Variants in CNTNAP2 observed in about 807,000 individuals in gnomAD.
The protein encoded by CNTNAP2 is contactin-associated protein-like 2.
A neutral mutation model predicts 155.2 loss-of-function variants in CNTNAP2; 98 were observed. The ratio of observed to expected loss-of-function variants is 0.63; its 90% CI spans 0.54 to 0.75. CNTNAP2 has a LOEUF of 0.75. Ranked by LOEUF, CNTNAP2 falls within the 30% of genes least tolerant of loss-of-function variation. The pLI is 0.00. For missense variants in CNTNAP2, 1,727 were observed against 1,688.1 expected (o/e 1.02, Z -0.40); for synonymous variants, 651 against 631.2 (o/e 1.03, Z -0.47).
At chr7:147,991,378 C>A (rs1354353903) in intron 15 of CNTNAP2, among the ~76,000 whole-genome samples, 3 of 151,768 alleles carry the variant, frequency 2.0e-5, no homozygotes, top group East Asian at 1.9e-4. Flanking sequence ...GTGCATGAGG[C>A]ACTTCATGAT....
At chr7:146,470,119 G>A (rs533667377) in intron 1 of CNTNAP2, among the ~76,000 whole-genome samples, 9 of 152,186 alleles carry the variant, frequency 5.9e-5, no homozygotes, top group East Asian at 1.9e-4. Flanking sequence ...GATTACAGGC[G>A]TGAGCCACTG....
chr7:147,520,587 A>G (rs1799214258), intron 11 of CNTNAP2, among the ~76,000 whole-genome samples: 2 of 152,186 alleles, frequency 1.3e-5, no homozygotes, highest in African/African-American at 4.8e-5. Flanking sequence ...GTGGAGGAGG[A>G]ACACAGGAGT....
At chr7:146,265,752 G>T (rs897339260) in intron 1 of CNTNAP2, among the ~76,000 whole-genome samples, 1 of 152,094 alleles carries the variant, frequency 6.6e-6, no homozygotes, top group East Asian at 1.9e-4. Context: ...GAGCCACTGC[G>T]CCTGTGCTGA....
At chr7:146,307,635 C>T (rs192312005) in intron 1 of CNTNAP2, among the ~76,000 whole-genome samples, 2 of 152,132 alleles carry the variant, frequency 1.3e-5, no homozygotes, top group East Asian at 1.9e-4. Context: ...AACAGAGATA[C>T]AGACCAATGG....
chr7:148,208,836 G>A (rs1795497079), intron 18 of CNTNAP2, among the ~76,000 whole-genome samples: 1 of 151,752 alleles, frequency 6.6e-6, no homozygotes, highest in South Asian at 2.1e-4. Context: ...CTTTTTCCTT[G>A]GCCTCATTCA....
At chr7:148,129,275 G>A (rs138069119) in intron 16 of CNTNAP2, among the ~76,000 whole-genome samples, 49 of 152,220 alleles carry the variant, frequency 3.2e-4, no homozygotes, top group African/African-American at 7.2e-5. Context: ...AAACATCAGA[G>A]GCAGGATTTC....
At chr7:147,372,582 C>T (rs972798596) in intron 9 of CNTNAP2, among the ~76,000 whole-genome samples, 6 of 152,094 alleles carry the variant, frequency 3.9e-5, no homozygotes, top group Non-Finnish European at 5.9e-5. Context: ...CAGTAGCACT[C>T]AATACTCAGT....
At chr7:147,810,433 G>A (rs113624011) in intron 13 of CNTNAP2, among the ~76,000 whole-genome samples, 4,924 of 151,868 alleles carry the variant, frequency 0.032, 135 homozygotes, top group Non-Finnish European at 0.051. Context: ...TACCTCACAG[G>A]GTTCATGTTG....
At chr7:146,779,329 A>G (rs1350814432) in intron 2 of CNTNAP2, among the ~76,000 whole-genome samples, 2 of 152,258 alleles carry the variant, frequency 1.3e-5, no homozygotes, top group East Asian at 1.9e-4. Context: ...CAAATAATAC[A>G]TATAGAAACC....
intron 12 of CNTNAP2, among the ~76,000 whole-genome samples, chr7:147,580,308 C>A (rs1227710089): frequency 1.3e-5 from 2 of 152,202 alleles, no homozygotes; most frequent in African/African-American, 4.8e-5. Flanking sequence ...CCGTCCCTGG[C>A]CTCTCCTTCT....
intron 1 of CNTNAP2, among the ~76,000 whole-genome samples, chr7:146,164,137 G>C (rs1798275568): frequency 1.3e-5 from 2 of 152,072 alleles, no homozygotes; most frequent in Non-Finnish European, 2.9e-5. Context: ...TTTCCAGTTG[G>C]ACTTTGCAGA....
chr7:147,343,860 C>A (rs1795802768), intron 9 of CNTNAP2, among the ~76,000 whole-genome samples: 1 of 152,050 alleles, frequency 6.6e-6, no homozygotes, highest in South Asian at 2.1e-4. Flanking sequence ...AACTACAGAC[C>A]ACAATTTCAA....
chr7:146,651,782 G>T (rs1333374813), intron 1 of CNTNAP2, among the ~76,000 whole-genome samples: 1 of 152,242 alleles, frequency 6.6e-6, no homozygotes, highest in Middle Eastern at 3.4e-3. Context: ...GGTTGAGATA[G>T]TGTGTCACCA....
chr7:147,936,376 G>T (rs951252053), intron 14 of CNTNAP2, among the ~76,000 whole-genome samples: 11 of 151,316 alleles, frequency 7.3e-5, no homozygotes, highest in African/African-American at 2.7e-4. Flanking sequence ...AATATTGCTA[G>T]AAGTGGTCAC....
intron 21 of CNTNAP2, among the ~76,000 whole-genome samples, chr7:148,363,225 C>T (rs747410477): frequency 1.9e-4 from 29 of 152,304 alleles, no homozygotes; most frequent in South Asian, 6.2e-4. Flanking sequence ...TCATGTGATC[C>T]GCCTGCCTCG....
chr7:148,362,878 G>A (rs1018956787), intron 21 of CNTNAP2, among the ~76,000 whole-genome samples: 1 of 152,140 alleles, frequency 6.6e-6, no homozygotes, highest in African/African-American at 2.4e-5. Flanking sequence ...CTTTACCATG[G>A]TGCAAAAGCA....
chr7:147,825,702 A>G (rs952747394), intron 13 of CNTNAP2, among the ~76,000 whole-genome samples: 1 of 152,178 alleles, frequency 6.6e-6, no homozygotes, highest in Non-Finnish European at 1.5e-5. Context: ...GAAGATATAT[A>G]TGTGCAAATC....
intron 1 of CNTNAP2, among the ~76,000 whole-genome samples, chr7:146,309,327 T>C (rs186821449): frequency 1.3e-5 from 2 of 152,242 alleles, no homozygotes; most frequent in Admixed American, 1.3e-4. Context: ...AGAAGGGGTC[T>C]CTGTTAGGGG....
At chr7:148,054,391 T>C (rs896530734) in intron 15 of CNTNAP2, among the ~76,000 whole-genome samples, 4 of 149,544 alleles carry the variant, frequency 2.7e-5, no homozygotes, top group African/African-American at 9.9e-5. Context: ...AATCACAAAA[T>C]GGGACTAGAC....
Sources: allele counts gnomAD v4.1 joint callset (sites outside exome capture counted in the v4.1 genomes callset), GRCh38; gene constraint gnomAD v4.1.1; transcripts MANE v1.5; gene names NCBI Gene and HGNC (gene_info 2026-07-23, HGNC 2026-07-21).